Variants in CSMD1 observed in about 807,000 individuals in gnomAD.
CSMD1 encodes the protein CUB and Sushi multiple domains 1.
Under a neutral mutation model 417.5 loss-of-function variants are expected in CSMD1, and 213 were observed. The ratio of observed to expected loss-of-function variants is 0.51; its 90% CI spans 0.46 to 0.57. The LOEUF (loss-of-function observed/expected upper bound fraction) is 0.57, where lower values mean the gene tolerates loss of function less well. CSMD1 is among the 20% of genes least tolerant of loss of function. The probability of loss-of-function intolerance (pLI) is 0.00; values close to 1 mark genes in which losing one functional copy is unlikely to be tolerated. For missense variants in CSMD1, 6,923 were observed against 4,529.7 expected (o/e 1.53, Z -15.17); for synonymous variants, 2,862 against 1,736.8 (o/e 1.65, Z -16.11).
intron 5 of CSMD1, among the ~76,000 whole-genome samples, chr8:3,986,955 A>G (rs1814375363): frequency 2.0e-5 from 3 of 152,224 alleles, no homozygotes; most frequent in African/African-American, 7.2e-5. Flanking sequence ...GCGTTTCACC[A>G]TGCAGTTCAG....
At chr8:4,430,156 G>C (rs6999573) in intron 2 of CSMD1, among the ~76,000 whole-genome samples, 44,127 of 152,046 alleles carry the variant, frequency 0.29, 6,563 homozygotes, top group South Asian at 0.32. Flanking sequence ...ATCTATGTCA[G>C]AATCTATCCT....
At chr8:4,026,158 T>C (rs1331894322) in intron 4 of CSMD1, among the ~76,000 whole-genome samples, 1 of 152,166 alleles carries the variant, frequency 6.6e-6, no homozygotes, top group African/African-American at 2.4e-5. Flanking sequence ...ATATGTCACA[T>C]TTACACATTT....
At chr8:4,247,988 G>C (rs1175583321) in intron 3 of CSMD1, among the ~76,000 whole-genome samples, 2 of 152,076 alleles carry the variant, frequency 1.3e-5, no homozygotes, top group Non-Finnish European at 2.9e-5. Flanking sequence ...CCAACCTTCA[G>C]TTTAAGTTGG....
intron 1 of CSMD1, among the ~76,000 whole-genome samples, chr8:4,865,236 T>C (rs1802359706): frequency 6.6e-6 from 1 of 151,852 alleles, no homozygotes; most frequent in South Asian, 2.1e-4. Flanking sequence ...AATTAAATAC[T>C]TGTACCAACA....
intron 4 of CSMD1, among the ~76,000 whole-genome samples, chr8:4,023,531 G>T (rs1300339041): frequency 6.6e-6 from 1 of 151,770 alleles, no homozygotes; most frequent in East Asian, 1.9e-4. Flanking sequence ...TTGGCTCTGT[G>T]CTGAGCAATA....
At chr8:3,753,899 T>C in intron 6 of CSMD1, 31 bp downstream of exon 6, 2 of 1,468,590 alleles carry the variant, frequency 1.4e-6, no homozygotes, top group East Asian at 2.3e-5. Flanking sequence ...GCTCTGTTTT[T>C]TTTTTTTCTT....
intron 3 of CSMD1, among the ~76,000 whole-genome samples, chr8:4,070,913 G>A (rs1799521921): frequency 6.6e-6 from 1 of 152,148 alleles, no homozygotes; most frequent in African/African-American, 2.4e-5. Flanking sequence ...GCACTTTAAT[G>A]ATGTTGTTTT....
chr8:3,373,585 T>C (rs559211146), intron 18 of CSMD1: 58 of 152,316 alleles, frequency 3.8e-4, no homozygotes, highest in African/African-American at 1.3e-3. Flanking sequence ...ATACCTGAAT[T>C]ACATTTTAGT....
At chr8:3,868,233 G>C (rs1442064456) in intron 5 of CSMD1, among the ~76,000 whole-genome samples, 1 of 152,072 alleles carries the variant, frequency 6.6e-6, no homozygotes, top group Non-Finnish European at 1.5e-5. Context: ...ACGAGGATGG[G>C]GGGGCATCTC....
rs186100288 is a variant in CSMD1 at position 4,880,277 on chromosome 8, G to C, written c.85+114055C>G. Among the ~76,000 whole-genome samples the C allele has an allele frequency of 1.2e-3, 189 of 152,158 alleles. 2 individuals are homozygous for C. The highest frequency in any genetic ancestry group is 7.5e-3 in the Admixed American group (114 of 15,290). ...CCAAAGGATGGAGAAAAAAAATGAA[G>C]TTAGCTTTGGGGATCTCACACACCA... On this transcript the variant is annotated intron_variant, in intron 1 of 69. Transcript: ENST00000635120.
At chr8:3,648,693 T>C (rs1177485114) in intron 7 of CSMD1, among the ~76,000 whole-genome samples, 13 of 152,192 alleles carry the variant, frequency 8.5e-5, no homozygotes. Flanking sequence ...CCTATAAAAA[T>C]GGTCTAAAAA....
At chr8:4,657,217 T>G (rs1463762138) in intron 1 of CSMD1, among the ~76,000 whole-genome samples, 3 of 152,090 alleles carry the variant, frequency 2.0e-5, no homozygotes, top group African/African-American at 7.2e-5. Flanking sequence ...TCCCAAACTT[T>G]CACACCTGGT....
chr8:3,479,776 C>G (rs1170132133), intron 11 of CSMD1, among the ~76,000 whole-genome samples: 4 of 151,704 alleles, frequency 2.6e-5, no homozygotes, highest in Admixed American at 1.3e-4. Context: ...CAACCAACCC[C>G]AACAGAAATG....
chr8:4,882,240 G>T (rs193225790), intron 1 of CSMD1, among the ~76,000 whole-genome samples: 3 of 151,758 alleles, frequency 2.0e-5, no homozygotes, highest in African/African-American at 4.8e-5. Flanking sequence ...CATCCTCTAC[G>T]TGCCCTGAGG....
chr8:3,733,311 T>C (rs1024144995), intron 6 of CSMD1, among the ~76,000 whole-genome samples: 2 of 147,978 alleles, frequency 1.4e-5, no homozygotes, highest in South Asian at 2.1e-4. Flanking sequence ...TATATACACA[T>C]ACATATATGT....
chr8:3,481,224 A>G (rs946086333), intron 11 of CSMD1, among the ~76,000 whole-genome samples: 1 of 151,668 alleles, frequency 6.6e-6, no homozygotes, highest in Non-Finnish European at 1.5e-5. Context: ...GCTCAAGAAC[A>G]TTCTTCTTGA....
chr8:4,280,502 A>G (rs1796722088), intron 3 of CSMD1, among the ~76,000 whole-genome samples: 1 of 152,230 alleles, frequency 6.6e-6, no homozygotes, highest in Non-Finnish European at 1.5e-5. Context: ...TCACAGAAAA[A>G]TTAAAATATA....
intron 5 of CSMD1, among the ~76,000 whole-genome samples, chr8:3,861,960 ATC>A (rs1362492494): frequency 1.3e-5 from 2 of 152,116 alleles, no homozygotes; most frequent in African/African-American, 4.8e-5. Context: ...CTGGTTTAAT[ATC>A]TGTTTTCTGT....
intron 3 of CSMD1, among the ~76,000 whole-genome samples, chr8:4,206,838 G>T (rs1277566331): frequency 3.9e-5 from 6 of 152,026 alleles, no homozygotes; most frequent in African/African-American, 1.4e-4. Context: ...ATTATTTTGT[G>T]GGCTCCTAGA....
Sources: gnomAD v4.1 joint callset for allele counts (sites outside exome capture counted in the v4.1 genomes callset) on GRCh38, gnomAD v4.1.1 for gene constraint, MANE v1.5 for transcripts, NCBI Gene and HGNC (gene_info 2026-07-23, HGNC 2026-07-21) for gene names.